CTNNA2: variants seen among roughly 807,000 people sequenced by gnomAD.
The protein encoded by CTNNA2 is catenin alpha 2.
In CTNNA2, 42 loss-of-function variants were observed where a neutral mutation model predicts 101.0. That is an observed-to-expected ratio of 0.42 (90% CI 0.32 to 0.54). The LOEUF is 0.54. CTNNA2 is among the 20% of genes least tolerant of loss of function. The probability of loss-of-function intolerance (pLI) is 0.14; values close to 1 mark genes in which losing one functional copy is unlikely to be tolerated. For synonymous variants in CTNNA2, 450 were observed against 456.4 expected, an observed-to-expected ratio of 0.99 and a Z score of 0.18; for missense variants, 871 against 1,223.1, an observed-to-expected ratio of 0.71 and a Z score of 4.29.
At chr2:79,315,465 C>G (rs1676474790) in intron 3 of CTNNA2, among the ~76,000 whole-genome samples, 1 of 152,072 alleles carries the variant, frequency 6.6e-6, no homozygotes, top group African/African-American at 2.4e-5. Context: ...TATGCATTTG[C>G]CCAGTTAAGA....
At chr2:80,474,034 G>C (rs1685521144) in intron 9 of CTNNA2, among the ~76,000 whole-genome samples, 1 of 152,184 alleles carries the variant, frequency 6.6e-6, no homozygotes, top group African/African-American at 2.4e-5. Flanking sequence ...TGGATGATCA[G>C]TTCTCTGCAG....
chr2:80,236,888 G>C (rs1709578378), intron 7 of CTNNA2, among the ~76,000 whole-genome samples: 1 of 152,134 alleles, frequency 6.6e-6, no homozygotes, highest in South Asian at 2.1e-4. Context: ...AGGCTCCATG[G>C]ACTTTTTCAC....
intron 3 of CTNNA2, among the ~76,000 whole-genome samples, chr2:79,321,625 C>T (rs1477611149): frequency 6.6e-6 from 1 of 152,064 alleles, no homozygotes; most frequent in Non-Finnish European, 1.5e-5. Flanking sequence ...GATGAAGGTC[C>T]TGTGAAATAA....
At chr2:80,529,364 T>C (rs1690322609) in intron 9 of CTNNA2, among the ~76,000 whole-genome samples, 1 of 152,208 alleles carries the variant, frequency 6.6e-6, no homozygotes, top group Admixed American at 6.5e-5. Context: ...TATAACTAAA[T>C]ACCAATGGAA....
At chr2:79,623,842 T>G (rs1221007237) in intron 1 of CTNNA2, among the ~76,000 whole-genome samples, 1 of 152,196 alleles carries the variant, frequency 6.6e-6, no homozygotes, top group East Asian at 1.9e-4. Context: ...TTTCACCATA[T>G]TTTTACTTTG....
intron 1 of CTNNA2, among the ~76,000 whole-genome samples, chr2:79,634,296 T>C (rs2104377250): frequency 6.6e-6 from 1 of 152,292 alleles, no homozygotes. Flanking sequence ...GAGCTATTCC[T>C]GAATGTTGAG....
intron 1 of CTNNA2, among the ~76,000 whole-genome samples, chr2:79,540,371 T>C (rs1417309948): frequency 6.6e-6 from 1 of 152,156 alleles, no homozygotes; most frequent in Non-Finnish European, 1.5e-5. Flanking sequence ...GAATCAATGA[T>C]TGGATATTTG....
intron 2 of CTNNA2, among the ~76,000 whole-genome samples, chr2:79,224,016 G>A (rs1674378370): frequency 6.6e-6 from 1 of 152,184 alleles, no homozygotes; most frequent in Non-Finnish European, 1.5e-5. Flanking sequence ...ATCAGTAATA[G>A]GTTGAGATAA....
chr2:80,511,290 T>A (rs529315852), intron 9 of CTNNA2, among the ~76,000 whole-genome samples: 1 of 152,352 alleles, frequency 6.6e-6, no homozygotes, highest in African/African-American at 2.4e-5. Flanking sequence ...TTTTCCAGGA[T>A]AATTTTTACC....
chr2:80,081,291 T>A (rs1699127455), intron 7 of CTNNA2, among the ~76,000 whole-genome samples: 1 of 152,024 alleles, frequency 6.6e-6, no homozygotes, highest in Admixed American at 6.6e-5. Flanking sequence ...TACATAAATT[T>A]CGAGGAGGAT....
At chr2:80,337,890 A>G (rs1671892684) in intron 7 of CTNNA2, among the ~76,000 whole-genome samples, 1 of 152,188 alleles carries the variant, frequency 6.6e-6, no homozygotes. Flanking sequence ...GGTCCAGAGG[A>G]TAGTAGCAAG....
chr2:79,665,896 G>A (rs996184459), intron 2 of CTNNA2, among the ~76,000 whole-genome samples: 1 of 152,192 alleles, frequency 6.6e-6, no homozygotes, highest in African/African-American at 2.4e-5. Flanking sequence ...AAATGTAGCT[G>A]TTATTGTAAA....
chr2:79,622,681 G>A (rs1268135170), intron 1 of CTNNA2, among the ~76,000 whole-genome samples: 1 of 152,176 alleles, frequency 6.6e-6, no homozygotes, highest in Non-Finnish European at 1.5e-5. Context: ...AGTGGTTCAT[G>A]AGGGTGACTC....
At chr2:80,628,694 A>G (rs775204340) in intron 18 of CTNNA2, among the ~76,000 whole-genome samples, 5 of 152,020 alleles carry the variant, frequency 3.3e-5, no homozygotes, top group Non-Finnish European at 5.9e-5. Flanking sequence ...GGGAATTAAG[A>G]TAGGTAACTC....
intron 1 of CTNNA2, among the ~76,000 whole-genome samples, chr2:79,626,332 T>A (rs1457118437): frequency 1.3e-5 from 2 of 152,168 alleles, no homozygotes; most frequent in African/African-American, 4.8e-5. Context: ...GTGATTTTGA[T>A]GTTGAACCCT....
intron 4 of CTNNA2, among the ~76,000 whole-genome samples, chr2:79,464,334 T>C (rs1421261717): frequency 6.6e-6 from 1 of 152,208 alleles, no homozygotes; most frequent in Non-Finnish European, 1.5e-5. Context: ...TGTGGCTGCA[T>C]AGTATTCCAT....
intron 1 of CTNNA2, among the ~76,000 whole-genome samples, chr2:79,543,408 T>G (rs1673539321): frequency 6.6e-6 from 1 of 152,216 alleles, no homozygotes; most frequent in African/African-American, 2.4e-5. Context: ...AGAAGATTAA[T>G]ATGTAAATTT....
intron 7 of CTNNA2, among the ~76,000 whole-genome samples, chr2:80,274,119 A>G (rs1673710186): frequency 6.6e-6 from 1 of 152,232 alleles, no homozygotes; most frequent in Admixed American, 6.5e-5. Context: ...GACATAGGAC[A>G]GGGTAGCTGT....
At chr2:79,722,345 C>G (rs1686541732) in intron 2 of CTNNA2, among the ~76,000 whole-genome samples, 1 of 152,064 alleles carries the variant, frequency 6.6e-6, no homozygotes, top group Non-Finnish European at 1.5e-5. Flanking sequence ...ATGTGGCAGC[C>G]TTGGTTGGAT....
Sources: allele counts gnomAD v4.1 joint callset (sites outside exome capture counted in the v4.1 genomes callset), GRCh38; gene constraint gnomAD v4.1.1; transcripts MANE v1.5; gene names NCBI Gene and HGNC (gene_info 2026-07-23, HGNC 2026-07-21).